Variants in PHOSPHO1 observed in about 807,000 individuals in gnomAD.
The protein encoded by PHOSPHO1 is phosphoethanolamine/phosphocholine phosphatase 1.
PHOSPHO1 carries 6 observed loss-of-function variants against 17.7 expected under a neutral mutation model. That is an observed-to-expected ratio of 0.34 (90% CI 0.19 to 0.67). The LOEUF (loss-of-function observed/expected upper bound fraction) is 0.67. Ranked by LOEUF, PHOSPHO1 falls within the 30% of genes least tolerant of loss-of-function variation. The pLI is 0.69. For synonymous variants in PHOSPHO1, 159 were observed against 174.6 expected (o/e 0.91, Z 0.71); for missense variants, 330 against 392.1 (o/e 0.84, Z 1.34).
At chr17:49,225,365 T>C (rs2043343315) in intron 2 of PHOSPHO1, 5 of 985,422 alleles carry the variant, frequency 5.1e-6, no homozygotes, top group Non-Finnish European at 6.0e-6. Flanking sequence ...GGGAGGTTTC[T>C]GGACTGGACT....
chr17:49,224,467 A>G lies in PHOSPHO1; in HGVS notation c.583T>C (p.Phe195Leu). 6.4e-7 allele frequency: 1 copy of G among 1,564,028 alleles called. No homozygotes were observed. The highest frequency in any genetic ancestry group is 8.6e-7 in the Non-Finnish European group (1 of 1,156,428). ...LRERAHDGVH[F>L]ERLFYVGDGA... ...TCGCCCACGTAGAAGAGGCGCTCGA[A>G]GTGCACGCCGTCGTGGGCCCGCTCG... The change falls in exon 3 of 3, where the codon TTC (phenylalanine) becomes CTC (leucine). Residue 195 changes from phenylalanine to leucine, a missense_variant. By Grantham distance (22) the Phe-to-Leu change is conservative (BLOSUM62 0). Transcript: ENST00000310544.
rs771615009 is a variant in PHOSPHO1 at position 49,224,220 on chromosome 17, G to A, written c.*26C>T. 1 of 1,532,526 alleles carries A rather than the reference G, an allele frequency of 6.5e-7. No homozygotes were observed. The highest frequency in any genetic ancestry group is 8.7e-7 in the Non-Finnish European group (1 of 1,145,806). 94.9% of individuals were successfully genotyped at this position (1,532,526 alleles called of 1,614,324 possible). On this transcript the variant is annotated 3_prime_UTR_variant, in exon 3 of 3. Transcript: ENST00000310544. Reference sequence around the variant, plus strand: ...TCCCCGCCCCCTCCGCCGTTGGCCCGGGTACCCCCCTGCAGGCGGCCAGAC... The same window carrying A: ...TCCCCGCCCCCTCCGCCGTTGGCCCAGGTACCCCCCTGCAGGCGGCCAGAC...
At position 49,225,117 on chromosome 17, in the gene PHOSPHO1, T is replaced by C. The variant is rs2043339674; in HGVS notation, c.46-113A>G. 6.9e-6 allele frequency: 10 copies of C among 1,441,170 alleles called. No individual in the cohort carries two copies. Among genetic ancestry groups the C allele is most frequent in the Admixed American group, 2.9e-5 (1 of 34,978 alleles). The allele number at this position is 1,441,170 out of a possible 1,614,324, so 89.3% of individuals were successfully genotyped here. A position where few individuals can be genotyped will look rare whatever the true frequency, so the allele number is the denominator to read the frequency against. On this transcript the variant is annotated intron_variant, in intron 2 of 2. Transcript: ENST00000310544. Reference sequence around the variant, plus strand: ...GTTAGCGGGCCACGGCCAGAGGCGCTGGCACATCCAACACCTGAGGAGGAC... The same window carrying C: ...GTTAGCGGGCCACGGCCAGAGGCGCCGGCACATCCAACACCTGAGGAGGAC...
chr17:49,230,154 C>T (rs1043693596), intron 1 of PHOSPHO1, among the ~76,000 whole-genome samples: 1 of 152,106 alleles, frequency 6.6e-6, no homozygotes, highest in Non-Finnish European at 1.5e-5. Context: ...TTAGAGGTGA[C>T]TAGGAAGCCA....
At chr17:49,225,195 G>C in intron 2 of PHOSPHO1, 191 bp from the exon 3 acceptor site, 2 of 1,428,198 alleles carry the variant, frequency 1.4e-6, no homozygotes, top group South Asian at 3.1e-5. Flanking sequence ...TCTATCCCCA[G>C]CCTTCCCTGA....
rs2043335254 is a variant in PHOSPHO1, at chr17:49,224,928, T to C, written c.122A>G (p.Asn41Ser). ...FDFDETIVDE[N>S]SDDSIVRAAP... ...GGCGCGCACGATCGAATCGTCGCTG[T>C]TTTCGTCCACGATAGTCTCGTCGAA... Residue 41 changes from asparagine (N) to serine (S), a missense_variant, in exon 3 of 3, where the codon AAC becomes AGC. Physicochemically the swap from Asn to Ser is conservative, Grantham distance 46 (BLOSUM62 1). Coordinates refer to ENST00000310544, the MANE Select transcript of PHOSPHO1 (RefSeq NM_178500.4). The C allele has an allele frequency of 1.3e-6, 2 of 1,594,876 alleles. No individual in the cohort carries two copies. The highest frequency in any genetic ancestry group is 2.3e-5 in the South Asian group (2 of 88,850).
intron 2 of PHOSPHO1, chr17:49,225,525 C>T: frequency 8.2e-7 from 1 of 1,221,530 alleles, no homozygotes; most frequent in Non-Finnish European, 1.0e-6. Flanking sequence ...TCCTTTTGGG[C>T]CATGGGGAAT....
At chr17:49,225,277 C>T (rs1598251747) in intron 2 of PHOSPHO1, 1 of 1,402,132 alleles carries the variant, frequency 7.1e-7, no homozygotes, top group East Asian at 2.6e-5. Context: ...ACCTGTTTCC[C>T]CTACTCTCAT....
At chr17:49,226,883 C>G (rs557504153) in intron 1 of PHOSPHO1, 125 bp from the exon 2 acceptor site, 4 of 623,482 alleles carry the variant, frequency 6.4e-6, no homozygotes, top group Admixed American at 2.7e-5. Flanking sequence ...TTAGCAAAAA[C>G]AACCCCTCAA....
Position 49,223,395 on chromosome 17 carries a change from AAC to A in PHOSPHO1, c.*849_*850del, listed in dbSNP as rs1031233529. 8.9e-5 allele frequency: 14 copies of A among 157,690 alleles called. No homozygotes were observed. Among genetic ancestry groups the A allele is most frequent in the African/African-American group, 3.4e-4 (14 of 41,526 alleles). The allele number at this position is 157,690 out of a possible 1,614,324, so 9.8% of individuals were successfully genotyped here. On this transcript the variant is annotated 3_prime_UTR_variant, in exon 3 of 3. Coordinates refer to ENST00000310544, the MANE Select transcript of PHOSPHO1 (RefSeq NM_178500.4). ...CCCTTCACCTCCTTTATAGTTGTAA[AAC>A]ACCAGAGGAAGGAGGGGCTTGGGTT...
chr17:49,226,399 A>G (rs2043357955), intron 2 of PHOSPHO1, among the ~76,000 whole-genome samples: 1 of 151,972 alleles, frequency 6.6e-6, no homozygotes, highest in Non-Finnish European at 1.5e-5. Flanking sequence ...TCATCCCTAG[A>G]GTCACCCTCT....
At chr17:49,225,115 G>A in intron 2 of PHOSPHO1, 111 bp from the exon 3 acceptor site, 3 of 1,441,348 alleles carry the variant, frequency 2.1e-6, no homozygotes, top group South Asian at 1.5e-5. Context: ...GGCCAGAGGC[G>A]CTGGCACATC....
At chr17:49,227,133 A>T (rs907571357) in intron 1 of PHOSPHO1, among the ~76,000 whole-genome samples, 1 of 152,226 alleles carries the variant, frequency 6.6e-6, no homozygotes, top group Non-Finnish European at 1.5e-5. Context: ...TCATGAATTC[A>T]GCCAATGAGA....
chr17:49,224,566 G>A lies in PHOSPHO1; in HGVS notation c.484C>T (p.Pro162Ser), dbSNP rs757771709. Reference protein sequence around the residue: ...PDARGLLALRPFHTHSCARCP... With the variant: ...PDARGLLALRSFHTHSCARCP... ...CGCGCGCAGCTGTGTGTGTGGAACG[G>A]CCGCAGAGCCAGCAGTCCCCGCGCA... The change falls in exon 3 of 3, where the codon CCG becomes TCG. Residue 162 changes from proline to serine, a missense_variant. Pro to Ser is a moderately conservative substitution (Grantham distance 74, BLOSUM62 -1). Transcript: ENST00000310544. 7.7e-6 allele frequency: 12 copies of A among 1,564,294 alleles called. No homozygotes were observed. The East Asian group carries it at 2.8e-4, about 37-fold the overall frequency.
rs2043331772 is a variant in PHOSPHO1, at chr17:49,224,723, C to T, written c.327G>A (p.Val109=). The T allele has an allele frequency of 2.5e-6, 4 of 1,597,506 alleles. No individual in the cohort carries two copies. The highest frequency in any genetic ancestry group is 3.4e-6 in the Non-Finnish European group (4 of 1,172,770). ...SPGMSDLLQF[V]AKQGACFEVI... Reference sequence around the variant, plus strand: ...CCTCGAAGCAGGCGCCCTGTTTTGCCACAAACTGCAGCAGGTCGCTCATGC... The same window carrying T: ...CCTCGAAGCAGGCGCCCTGTTTTGCTACAAACTGCAGCAGGTCGCTCATGC... The change falls in exon 3 of 3, where the codon GTG becomes GTA. Residue 109 remains valine (V), a synonymous_variant. Transcript: ENST00000310544.
chr17:49,226,277 C>T (rs894612220), intron 2 of PHOSPHO1, among the ~76,000 whole-genome samples: 1 of 152,122 alleles, frequency 6.6e-6, no homozygotes, highest in Non-Finnish European at 1.5e-5. Flanking sequence ...TCTCATATTC[C>T]TGGTGTGCTT....
Position 49,230,607 on chromosome 17 carries a change from AC to A in PHOSPHO1, c.-208del. 1 of 151,070 alleles carries A rather than the reference AC, an allele frequency of 6.6e-6. No individual in the cohort carries two copies. The highest frequency in any genetic ancestry group is 1.5e-5 in the Non-Finnish European group (1 of 67,818). 9.4% of individuals were successfully genotyped at this position (151,070 alleles called of 1,614,324 possible). On this transcript the variant is annotated 5_prime_UTR_variant, in exon 1 of 3. Coordinates refer to ENST00000310544, the MANE Select transcript of PHOSPHO1 (RefSeq NM_178500.4). Reference sequence around the variant, plus strand: ...TTGGAGGGGACGCGGTGTCTTATCCACCCCCGGATTTCTGGGCTCCGGCTCA... The same window carrying A: ...TTGGAGGGGACGCGGTGTCTTATCCACCCCGGATTTCTGGGCTCCGGCTCA...
chr17:49,224,799 A>C lies in PHOSPHO1; in HGVS notation c.251T>G (p.Val84Gly). 1 of 1,599,328 alleles carries C rather than the reference A, an allele frequency of 6.3e-7. No homozygotes were observed. Among genetic ancestry groups the C allele is most frequent in the South Asian group, 1.1e-5 (1 of 88,926 alleles). Residue 84 changes from valine (V) to glycine (G), a missense_variant, in exon 3 of 3, where the codon GTG becomes GGG. Transcript: ENST00000310544. The part of the protein sequence containing the change: ...RVFKYLGEQG[V>G]RPRDLSAIYE... The stretch of plus-strand genomic sequence containing the variant: ...GATGGCGCTCAGGTCCCGCGGCCGC[A>C]CGCCCTGCTCGCCCAGGTACTTGAA...
intron 2 of PHOSPHO1, chr17:49,225,385 A>G (rs1598251851): frequency 1.0e-6 from 1 of 985,208 alleles, no homozygotes; most frequent in Admixed American, 6.2e-5. Flanking sequence ...TGTTTTGGAG[A>G]CTTCCAGTGG....
Sources: gnomAD v4.1 joint callset for allele counts (sites outside exome capture counted in the v4.1 genomes callset) on GRCh38, gnomAD v4.1.1 for gene constraint, MANE v1.5 for transcripts, NCBI Gene and HGNC (gene_info 2026-07-23, HGNC 2026-07-21) for gene names.